WDR5: variants seen among roughly 807,000 people sequenced by gnomAD.
WDR5 encodes WD repeat-containing protein 5.
For missense variants in WDR5, 187 were observed against 416.9 expected (o/e 0.45, Z 4.80); for synonymous variants, 144 against 161.6 (o/e 0.89, Z 0.83).
At chr9:134,139,985 C>T (rs759576541) in intron 2 of WDR5, 27 bp downstream of exon 2, 1 of 1,612,578 alleles carries the variant, frequency 6.2e-7, no homozygotes. Flanking sequence ...CCCTTGGACA[C>T]CTTCCGGGGG....
chr9:134,145,255 C>T (rs374758700), intron 7 of WDR5, among the ~76,000 whole-genome samples: 7 of 151,990 alleles, frequency 4.6e-5, no homozygotes, highest in East Asian at 1.9e-4. Flanking sequence ...CCCACTACCA[C>T]GACTGGCTAA....
chr9:134,141,161 C>T (rs71505284), intron 3 of WDR5, among the ~76,000 whole-genome samples: 1,639 of 152,296 alleles, frequency 0.011, 18 homozygotes, highest in Middle Eastern at 0.024. Context: ...TGGCACATGC[C>T]TGTAGTCCCA....
chr9:134,152,117 C>G (rs1832523462), intron 9 of WDR5, 88 bp downstream of exon 9: 2 of 1,467,218 alleles, frequency 1.4e-6, no homozygotes, highest in South Asian at 1.2e-5. Flanking sequence ...AGCTCCTCCT[C>G]CCTCCTCTGC....
At chr9:134,135,445 C>T (rs1443600319), upstream of WDR5, 1 of 152,220 alleles carries the variant, frequency 6.6e-6, no homozygotes, top group East Asian at 1.9e-4. Flanking sequence ...GGAGCAGGTT[C>T]GTGCACCGCG....
chr9:134,154,554 TG>T lies in WDR5; in HGVS notation c.707+16del. ...CCACGCTGGACAAGTGAGTACTGCGTGGGACTGTGGGGGCGGGCATGTGGCC... is the reference window on the plus strand; with the variant it reads ...CCACGCTGGACAAGTGAGTACTGCGTGGACTGTGGGGGCGGGCATGTGGCC... On this transcript the variant is annotated intron_variant, in intron 10 of 13. Transcript: ENST00000358625. The T allele has an allele frequency of 6.2e-7, 1 of 1,613,842 alleles. No individual in the cohort carries two copies. Among genetic ancestry groups the T allele is most frequent in the Non-Finnish European group, 8.5e-7 (1 of 1,179,828 alleles).
intron 9 of WDR5, among the ~76,000 whole-genome samples, chr9:134,153,013 T>G (rs907990116): frequency 6.6e-6 from 1 of 152,228 alleles, no homozygotes; most frequent in African/African-American, 2.4e-5. Flanking sequence ...CACTCGCCTC[T>G]GAGGCTCTGG....
chr9:134,142,531 T>G (rs1295678251), intron 6 of WDR5, 105 bp from the exon 7 acceptor site: 2 of 1,555,850 alleles, frequency 1.3e-6, no homozygotes, highest in African/African-American at 2.7e-5. Flanking sequence ...CTGAGTCCTT[T>G]CTGTGCTGTT....
At chr9:134,136,421 A>G (rs1347432203) in intron 1 of WDR5, among the ~76,000 whole-genome samples, 1 of 145,304 alleles carries the variant, frequency 6.9e-6, no homozygotes, top group East Asian at 2.1e-4. Context: ...GTCCGCCCCC[A>G]CTCGCGCCCC....
chr9:134,155,838 G>A, intron 12 of WDR5, 71 bp downstream of exon 12: 1 of 1,454,364 alleles, frequency 6.9e-7, no homozygotes, highest in Non-Finnish European at 9.5e-7. Flanking sequence ...ACCTGTTACA[G>A]GTTGCTTTAT....
Position 134,158,762 on chromosome 9 carries a change from G to C in WDR5, c.*769G>C, listed in dbSNP as rs1159628391. The C allele has an allele frequency of 6.6e-6, 1 of 152,244 alleles. No homozygotes were observed. Among genetic ancestry groups the C allele is most frequent in the Non-Finnish European group, 1.5e-5 (1 of 68,050 alleles). 9.4% of individuals were successfully genotyped at this position (152,244 alleles called of 1,614,324 possible). Reference sequence around the variant, plus strand: ...GAGAAAGGCTCCCCTGGGGCAAGAGGGTGGAAGGTTTCTTTGGACAGGAGG... The same window carrying C: ...GAGAAAGGCTCCCCTGGGGCAAGAGCGTGGAAGGTTTCTTTGGACAGGAGG... On this transcript the variant is annotated 3_prime_UTR_variant, in exon 14 of 14. Coordinates refer to ENST00000358625, the MANE Select transcript of WDR5 (RefSeq NM_017588.3).
intron 8 of WDR5, 152 bp downstream of exon 8, chr9:134,148,495 G>C: frequency 1.5e-6 from 1 of 670,210 alleles, no homozygotes. Context: ...AGACATGTTA[G>C]CAGATAGGCA....
Position 134,151,467 on chromosome 9 carries a change from G to A in WDR5, c.585-516G>A, listed in dbSNP as rs765068200. ...TGGGCTCTGCTTCCAGAATGCGTCT[G>A]TATTGGCAGAAATCACAGAAACCCT... On this transcript the variant is annotated intron_variant, in intron 8 of 13. Transcript: ENST00000358625. 6.6e-5 allele frequency among the ~76,000 whole-genome samples: 10 copies of A among 152,338 alleles called. No individual in the cohort carries two copies. In the East Asian group the frequency reaches 1.3e-3, roughly 21 times the overall value.
At chr9:134,152,814 T>C (rs754592758) in intron 9 of WDR5, among the ~76,000 whole-genome samples, 10 of 152,142 alleles carry the variant, frequency 6.6e-5, no homozygotes, top group Non-Finnish European at 1.3e-4. Flanking sequence ...CAGGAATGTG[T>C]CTCCCCGCAG....
intron 2 of WDR5, 144 bp downstream of exon 2, chr9:134,140,102 G>A (rs1588168333): frequency 2.0e-6 from 2 of 979,808 alleles, no homozygotes; most frequent in Non-Finnish European, 3.0e-6. Flanking sequence ...CATATCTGGC[G>A]AATGCTTGTT....
chr9:134,148,434 A>G, intron 8 of WDR5, 91 bp downstream of exon 8: 1 of 1,158,028 alleles, frequency 8.6e-7, no homozygotes. Flanking sequence ...TACAGCAGTG[A>G]CAAAAGACCC....
intron 8 of WDR5, among the ~76,000 whole-genome samples, chr9:134,150,736 C>G (rs1199162074): frequency 2.0e-5 from 3 of 152,174 alleles, no homozygotes; most frequent in African/African-American, 7.2e-5. Context: ...TTACCACGGT[C>G]TCTCAGTTGC....
chr9:134,140,866 A>G lies in WDR5; in HGVS notation c.190+55A>G, dbSNP rs769709428. 9 of 1,548,376 alleles carry G rather than the reference A, an allele frequency of 5.8e-6. No homozygotes were observed. In the Admixed American group the frequency reaches 6.7e-5, roughly 11 times the overall value. The stretch of plus-strand genomic sequence containing the variant: ...GGAGAGGCGGTCTGAGCTGCAGACA[A>G]AAAGCTGGCGAGGGGATGGCTTGCT... On this transcript the variant is annotated intron_variant, in intron 3 of 13. Transcript: ENST00000358625.
chr9:134,156,563 G>C lies in WDR5; in HGVS notation c.874G>C (p.Glu292Gln). Residue 292 changes from glutamate (E) to glutamine (Q), a missense_variant, in exon 13 of 14, where the codon GAG becomes CAG. Physicochemically the swap from Glu to Gln is conservative, Grantham distance 29. Coordinates refer to ENST00000358625, the MANE Select transcript of WDR5 (RefSeq NM_017588.3). ...LVYIWNLQTK[E>Q]IVQKLQGHTD... is the part of the protein sequence containing the mutation. Reference sequence around the variant, plus strand: ...TTACATCTGGAACCTTCAGACGAAAGAGATTGTACAGAAACTACAAGGCCA... The same window carrying C: ...TTACATCTGGAACCTTCAGACGAAACAGATTGTACAGAAACTACAAGGCCA... The C allele has an allele frequency of 6.2e-7, 1 of 1,614,260 alleles. No homozygotes were observed. The highest frequency in any genetic ancestry group is 8.5e-7 in the Non-Finnish European group (1 of 1,180,042).
chr9:134,151,075 G>A (rs1832463225), intron 8 of WDR5, among the ~76,000 whole-genome samples: 2 of 152,174 alleles, frequency 1.3e-5, no homozygotes, highest in South Asian at 4.1e-4. Context: ...CAGTGATTGC[G>A]GAGCTAGAGG....
Sources: gnomAD v4.1 joint callset for allele counts (sites outside exome capture counted in the v4.1 genomes callset) on GRCh38, gnomAD v4.1.1 for gene constraint, MANE v1.5 for transcripts, NCBI Gene and HGNC (gene_info 2026-07-23, HGNC 2026-07-21) for gene names.